The following GRIA2 variants were observed in gnomAD, a reference collection of about 807,000 sequenced individuals.
GRIA2 encodes glutamate ionotropic receptor AMPA type subunit 2, also known as glutamate receptor 2.
Under a neutral mutation model 97.3 loss-of-function variants are expected in GRIA2, and 14 were observed. The observed-to-expected ratio is 0.14, with a 90% CI of 0.10 to 0.23. The LOEUF is 0.23. GRIA2 is among the 10% of genes least tolerant of loss of function. GRIA2 has a pLI of 1.00. For synonymous variants in GRIA2, 412 were observed against 387.8 expected, an observed-to-expected ratio of 1.06 and a Z score of -0.73; for missense variants, 558 against 1,069.8, an observed-to-expected ratio of 0.52 and a Z score of 6.67.
At chr4:157,286,441 T>C (rs1666197444) in intron 2 of GRIA2, among the ~76,000 whole-genome samples, 1 of 151,542 alleles carries the variant, frequency 6.6e-6, no homozygotes, top group South Asian at 2.1e-4. Context: ...ACATGACATT[T>C]TTTTTGGAGA....
intron 2 of GRIA2, among the ~76,000 whole-genome samples, chr4:157,246,813 C>G (rs547637534): frequency 6.6e-6 from 1 of 152,054 alleles, no homozygotes; most frequent in East Asian, 1.9e-4. Context: ...TTTTGGTTTT[C>G]GATCTTCACA....
At chr4:157,299,285 T>C (rs1026857220) in intron 2 of GRIA2, among the ~76,000 whole-genome samples, 6 of 152,136 alleles carry the variant, frequency 3.9e-5, no homozygotes, top group Admixed American at 3.9e-4. Flanking sequence ...AAACTATGCA[T>C]GGGGTTAATG....
chr4:157,284,608 T>C (rs927391362), intron 2 of GRIA2, among the ~76,000 whole-genome samples: 1 of 151,680 alleles, frequency 6.6e-6, no homozygotes, highest in Non-Finnish European at 1.5e-5. Flanking sequence ...AACTCATATC[T>C]CATATTTGAT....
At position 157,355,670 on chromosome 4, in the gene GRIA2, TTATATATTTATTTATATATTTATTTA is replaced by T. The variant is rs1736236316; in HGVS notation, c.2044-4216_2044-4191del. ...TTTATATATTTATTTATATTTATTT[TTATATATTTATTTATATATTTATTTA>T]TATATATTTGTATATATTTATTTAT... On this transcript the variant is annotated intron_variant, in intron 12 of 15. Transcript: ENST00000264426. Among the ~76,000 whole-genome samples, 3 of 92,838 alleles carry T rather than the reference TTATATATTTATTTATATATTTATTTA, an allele frequency of 3.2e-5. No individual in the cohort carries two copies. The Admixed American group carries it at 4.6e-4, about 14-fold the overall frequency. The allele number at this position is 92,838 out of a possible 152,430, so 60.9% of individuals were successfully genotyped here. A position where few individuals can be genotyped will look rare whatever the true frequency, so the allele number is the denominator to read the frequency against.
intron 3 of GRIA2, among the ~76,000 whole-genome samples, chr4:157,304,727 A>T (rs1385105242): frequency 6.6e-6 from 1 of 152,156 alleles, no homozygotes; most frequent in African/African-American, 2.4e-5. Flanking sequence ...GTAGGTTCAA[A>T]TGAAAACCCA....
intron 2 of GRIA2, among the ~76,000 whole-genome samples, chr4:157,247,918 A>G (rs1428780492): frequency 6.6e-6 from 1 of 152,058 alleles, no homozygotes; most frequent in African/African-American, 2.4e-5. Flanking sequence ...GGATTACAAG[A>G]CAGACGCCTA....
intron 12 of GRIA2, among the ~76,000 whole-genome samples, chr4:157,343,297 TAGTC>T (rs78305331): frequency 0.026 from 3,914 of 152,188 alleles, 66 homozygotes; most frequent in Non-Finnish European, 0.038. Context: ...TTCTGTCTGA[TAGTC>T]AGGGCAATGA....
intron 2 of GRIA2, among the ~76,000 whole-genome samples, chr4:157,285,639 T>C (rs1465825038): frequency 1.3e-5 from 2 of 151,178 alleles, no homozygotes; most frequent in East Asian, 3.9e-4. Flanking sequence ...AACTGAAGAG[T>C]CTATTTCCCT....
intron 12 of GRIA2, among the ~76,000 whole-genome samples, chr4:157,356,095 A>G (rs1215631614): frequency 1.6e-5 from 2 of 121,282 alleles, no homozygotes; most frequent in Non-Finnish European, 3.2e-5. Context: ...ATATATATTT[A>G]TATATTTATA....
At chr4:157,341,594 T>G (rs1263643551) in intron 12 of GRIA2, 132 bp downstream of exon 12, 5 of 650,192 alleles carry the variant, frequency 7.7e-6, no homozygotes, top group Non-Finnish European at 1.4e-5. Flanking sequence ...TTCTTGACTT[T>G]GTCTCTGTTT....
intron 2 of GRIA2, among the ~76,000 whole-genome samples, chr4:157,291,450 T>G (rs937252103): frequency 6.6e-6 from 1 of 152,010 alleles, no homozygotes; most frequent in Non-Finnish European, 1.5e-5. Flanking sequence ...CTATTTTTTT[T>G]AATTGGCTGA....
chr4:157,278,206 C>T (rs1732435054), intron 2 of GRIA2, among the ~76,000 whole-genome samples: 1 of 151,730 alleles, frequency 6.6e-6, no homozygotes, highest in Non-Finnish European at 1.5e-5. Context: ...CTCATACCAA[C>T]TGACTTTAAG....
In GRIA2 at chr4:157,283,140, A is replaced by G. The variant is rs72962851; in HGVS notation, c.230-20412A>G. 2.9e-3 allele frequency among the ~76,000 whole-genome samples: 439 copies of G among 152,070 alleles called. 3 individuals are homozygous for G. Among genetic ancestry groups the G allele is most frequent in the African/African-American group, 0.01 (422 of 41,510 alleles). On this transcript the variant is annotated intron_variant, in intron 2 of 15. Transcript: ENST00000264426. ...TTTTTTCATATGTAAAAGCTTTTCC[A>G]TATATAAAAGCTTTCCAGAATCTCC...
chr4:157,255,321 G>A (rs1231183057), intron 2 of GRIA2, among the ~76,000 whole-genome samples: 1 of 151,856 alleles, frequency 6.6e-6, no homozygotes, highest in East Asian at 1.9e-4. Flanking sequence ...GGACATTTAC[G>A]TTTATTTCAT....
At chr4:157,354,443 T>C (rs1249968423) in intron 12 of GRIA2, among the ~76,000 whole-genome samples, 4 of 152,178 alleles carry the variant, frequency 2.6e-5, no homozygotes, top group African/African-American at 9.7e-5. Context: ...ATTAATATGA[T>C]ACACTGTTAT....
chr4:157,357,041 T>C (rs1288076628), intron 12 of GRIA2, among the ~76,000 whole-genome samples: 9 of 152,170 alleles, frequency 5.9e-5, no homozygotes, highest in Non-Finnish European at 1.3e-4. Context: ...GCTTTACCTT[T>C]GGAATGTTTT....
chr4:157,243,082 G>T (rs1033757749), intron 2 of GRIA2, among the ~76,000 whole-genome samples: 5 of 152,100 alleles, frequency 3.3e-5, no homozygotes, highest in Non-Finnish European at 7.4e-5. Context: ...GCTGACACAA[G>T]AAGGCAGAGT....
intron 2 of GRIA2, among the ~76,000 whole-genome samples, chr4:157,261,269 T>C (rs1415245920): frequency 6.6e-6 from 1 of 152,142 alleles, no homozygotes; most frequent in Admixed American, 6.6e-5. Flanking sequence ...ACATATATTT[T>C]TTAAATCTTT....
intron 2 of GRIA2, among the ~76,000 whole-genome samples, chr4:157,230,415 A>G (rs556127179): frequency 3.9e-5 from 6 of 152,268 alleles, no homozygotes; most frequent in African/African-American, 1.2e-4. Flanking sequence ...AGCTGTGGAG[A>G]AAAAGGGAAA....
Sources: gnomAD v4.1 joint callset for allele counts (sites outside exome capture counted in the v4.1 genomes callset) on GRCh38, gnomAD v4.1.1 for gene constraint, MANE v1.5 for transcripts, NCBI Gene and HGNC (gene_info 2026-07-23, HGNC 2026-07-21) for gene names.